Variants in GRID1 observed in about 807,000 individuals in gnomAD.
The protein encoded by GRID1 is glutamate receptor ionotropic, delta-1.
A neutral mutation model predicts 98.0 loss-of-function variants in GRID1; 28 were observed. The observed-to-expected ratio is 0.29, with a 90% CI of 0.21 to 0.39. The LOEUF (loss-of-function observed/expected upper bound fraction) is 0.39, where lower values mean the gene tolerates loss of function less well. Among genes scored for constraint, GRID1 ranks in the 10% least tolerant of loss-of-function variants. The pLI, the probability that GRID1 is intolerant of heterozygous loss-of-function variation, is 1.00. For synonymous variants in GRID1, 553 were observed against 538.5 expected, an observed-to-expected ratio of 1.03 and a Z score of -0.37; for missense variants, 1,111 against 1,340.5, an observed-to-expected ratio of 0.83 and a Z score of 2.67.
chr10:85,835,885 G>C (rs1007563221), intron 8 of GRID1, among the ~76,000 whole-genome samples: 7 of 151,986 alleles, frequency 4.6e-5, no homozygotes, highest in South Asian at 2.1e-4. Context: ...AAAAACAAAA[G>C]GATGATCCTT....
intron 4 of GRID1, among the ~76,000 whole-genome samples, chr10:86,084,974 T>C (rs2131933366): frequency 6.6e-6 from 1 of 152,284 alleles, no homozygotes; most frequent in South Asian, 2.1e-4. Flanking sequence ...TGCACAACAC[T>C]GAAAATGTAC....
intron 8 of GRID1, among the ~76,000 whole-genome samples, chr10:85,812,610 G>A (rs1842681601): frequency 6.6e-6 from 1 of 152,032 alleles, no homozygotes; most frequent in Non-Finnish European, 1.5e-5. Flanking sequence ...CAGCCCTTCT[G>A]CTAGTTGGAG....
At chr10:86,202,855 T>C (rs1365042678) in intron 3 of GRID1, among the ~76,000 whole-genome samples, 1 of 152,242 alleles carries the variant, frequency 6.6e-6, no homozygotes. Context: ...TGTATGATGC[T>C]CACTAAAGTG....
chr10:86,159,400 A>G (rs1287518591), intron 3 of GRID1, among the ~76,000 whole-genome samples: 1 of 152,164 alleles, frequency 6.6e-6, no homozygotes, highest in African/African-American at 2.4e-5. Context: ...TACCTTTTCT[A>G]TATTTGTTTA....
At chr10:85,848,983 G>A (rs1843032780) in intron 8 of GRID1, among the ~76,000 whole-genome samples, 1 of 152,164 alleles carries the variant, frequency 6.6e-6, no homozygotes, top group Non-Finnish European at 1.5e-5. Flanking sequence ...CAGCTTAATA[G>A]AGACACTGCA....
At chr10:86,042,094 C>T (rs866908395) in intron 4 of GRID1, among the ~76,000 whole-genome samples, 2 of 152,210 alleles carry the variant, frequency 1.3e-5, no homozygotes, top group Non-Finnish European at 2.9e-5. Context: ...ACAGCCCTCG[C>T]CATGCAAGGG....
chr10:85,631,309 T>C (rs1842973146), intron 13 of GRID1, among the ~76,000 whole-genome samples: 2 of 152,192 alleles, frequency 1.3e-5, no homozygotes, highest in Admixed American at 1.3e-4. Context: ...ACAGCCACAT[T>C]GAGCCCCCTG....
chr10:85,743,149 T>A (rs1490164638), intron 8 of GRID1, among the ~76,000 whole-genome samples: 1 of 114,580 alleles, frequency 8.7e-6, no homozygotes, highest in Non-Finnish European at 1.6e-5. Context: ...TCTAGGAGAA[T>A]CCAGCTGCCC....
intron 4 of GRID1, among the ~76,000 whole-genome samples, chr10:86,055,867 G>A (rs894649913): frequency 3.3e-5 from 5 of 151,530 alleles, no homozygotes; most frequent in African/African-American, 1.2e-4. Flanking sequence ...AGAGGCAGCT[G>A]TCTGCAAGCC....
intron 5 of GRID1, among the ~76,000 whole-genome samples, chr10:85,915,464 C>G (rs1170865850): frequency 6.6e-6 from 1 of 152,066 alleles, no homozygotes; most frequent in East Asian, 1.9e-4. Flanking sequence ...CACACTTGTA[C>G]ATGCACAATC....
intron 3 of GRID1, among the ~76,000 whole-genome samples, chr10:86,169,124 C>T (rs1845443535): frequency 6.6e-6 from 1 of 152,232 alleles, no homozygotes; most frequent in Non-Finnish European, 1.5e-5. Flanking sequence ...CTAGACCGGA[C>T]TGCAACAAGA....
chr10:85,944,637 G>A (rs565424034), intron 4 of GRID1, among the ~76,000 whole-genome samples: 85 of 152,250 alleles, frequency 5.6e-4, no homozygotes, highest in African/African-American at 7.9e-4. Flanking sequence ...AGAAAGGAAC[G>A]GAGGGAGGTA....
intron 14 of GRID1, among the ~76,000 whole-genome samples, chr10:85,614,970 AT>A (rs1340265501): frequency 6.6e-6 from 1 of 152,082 alleles, no homozygotes; most frequent in African/African-American, 2.4e-5. Flanking sequence ...TTTTCGACTG[AT>A]ATCATCAGTA....
intron 8 of GRID1, among the ~76,000 whole-genome samples, chr10:85,746,315 G>A (rs956131105): frequency 3.9e-5 from 6 of 152,126 alleles, no homozygotes; most frequent in African/African-American, 1.4e-4. Flanking sequence ...TTCCATTCGA[G>A]AGGGGTGTGA....
chr10:85,621,126 A>C (rs1026679195), intron 13 of GRID1, among the ~76,000 whole-genome samples: 4 of 152,202 alleles, frequency 2.6e-5, no homozygotes, highest in African/African-American at 9.6e-5. Context: ...CAAACCTGAC[A>C]CTGCCACCTG....
At chr10:86,188,428 C>T (rs76289374) in intron 3 of GRID1, among the ~76,000 whole-genome samples, 6,602 of 152,300 alleles carry the variant, frequency 0.043, 199 homozygotes, top group South Asian at 0.079. Context: ...CCTTGCTAGG[C>T]CTGTCCTGTC....
At chr10:85,845,727 T>C (rs980508058) in intron 8 of GRID1, among the ~76,000 whole-genome samples, 1 of 152,134 alleles carries the variant, frequency 6.6e-6, no homozygotes, top group East Asian at 1.9e-4. Flanking sequence ...ATGGCAGTCG[T>C]CCCCTGATTT....
chr10:86,062,094 T>C (rs1843656754), intron 4 of GRID1, among the ~76,000 whole-genome samples: 1 of 152,180 alleles, frequency 6.6e-6, no homozygotes, highest in South Asian at 2.1e-4. Context: ...CTTTCGCTTC[T>C]CCAACTGTGC....
At chr10:86,296,652 T>G (rs567675397) in intron 2 of GRID1, among the ~76,000 whole-genome samples, 2 of 152,224 alleles carry the variant, frequency 1.3e-5, no homozygotes, top group Admixed American at 1.3e-4. Flanking sequence ...GGCAGAAGAA[T>G]CGCTCGAACC....
Sources: allele counts gnomAD v4.1 joint callset (sites outside exome capture counted in the v4.1 genomes callset), GRCh38; gene constraint gnomAD v4.1.1; transcripts MANE v1.5; gene names NCBI Gene and HGNC (gene_info 2026-07-23, HGNC 2026-07-21).